Variants in CTNNA2 observed in about 807,000 individuals in gnomAD.
CTNNA2 encodes catenin alpha-2.
Under a neutral mutation model 101.0 loss-of-function variants are expected in CTNNA2, and 42 were observed. That is an observed-to-expected ratio of 0.42 (90% CI 0.32 to 0.54). The LOEUF is 0.54. Among genes scored for constraint, CTNNA2 ranks in the 20% least tolerant of loss-of-function variants. The pLI is 0.14. For missense variants in CTNNA2, 871 were observed against 1,223.1 expected, an observed-to-expected ratio of 0.71 and a Z score of 4.29; for synonymous variants, 450 against 456.4, an observed-to-expected ratio of 0.99 and a Z score of 0.18.
intron 9 of CTNNA2, among the ~76,000 whole-genome samples, chr2:80,462,314 A>C (rs1684493028): frequency 6.6e-6 from 1 of 152,182 alleles, no homozygotes; most frequent in Non-Finnish European, 1.5e-5. Context: ...CTGGCTTCAA[A>C]TTTATTTATT....
intron 4 of CTNNA2, among the ~76,000 whole-genome samples, chr2:79,437,232 C>CG (rs1553411310): frequency 6.4e-5 from 9 of 140,420 alleles, no homozygotes; most frequent in Admixed American, 2.1e-4. Flanking sequence ...GAAACTGTCT[C>CG]AAAAAAAAAA....
At chr2:80,236,171 A>G (rs1175723422) in intron 7 of CTNNA2, among the ~76,000 whole-genome samples, 3 of 152,118 alleles carry the variant, frequency 2.0e-5, no homozygotes, top group Non-Finnish European at 4.4e-5. Context: ...GTAGTATTCC[A>G]TGGTTTATAT....
At chr2:80,394,921 C>T (rs755991036) in intron 8 of CTNNA2, among the ~76,000 whole-genome samples, 21 of 152,188 alleles carry the variant, frequency 1.4e-4, no homozygotes, top group Non-Finnish European at 2.9e-4. Context: ...AGCTAAAATT[C>T]ATGAACTGGG....
At chr2:80,236,066 G>T (rs1194556375) in intron 7 of CTNNA2, among the ~76,000 whole-genome samples, 1 of 152,098 alleles carries the variant, frequency 6.6e-6, no homozygotes, top group Non-Finnish European at 1.5e-5. Flanking sequence ...GCAGTATTTG[G>T]TTTTCTGTTC....
Position 79,435,307 on chromosome 2 carries a change from C to T in CTNNA2, c.-135+61294C>T, listed in dbSNP as rs531679498. The stretch of plus-strand genomic sequence containing the variant: ...TAAGGAAGTGTTGTCATATGGCCTG[C>T]TTAATGTTCAGAGTGCAGAGCGTGC... On this transcript the variant is annotated intron_variant, in intron 4 of 21. Coordinates refer to the CTNNA2 transcript ENST00000466387. Among the ~76,000 whole-genome samples, 8 of 152,246 alleles carry T rather than the reference C, an allele frequency of 5.3e-5. No individual in the cohort carries two copies. The East Asian group carries it at 1.5e-3, about 29-fold the overall frequency.
At position 79,840,812 on chromosome 2, in the gene CTNNA2, C is replaced by T. The variant is rs551454576; in HGVS notation, c.299-17201C>T. ...CAGAGTCTCGCTCTTTCGCCCAGGC[C>T]GGACTGCAGTGGCGTGGCGCGATCT... is the stretch of plus-strand genomic sequence containing the variant. On this transcript the variant is annotated intron_variant, in intron 3 of 18. Coordinates refer to ENST00000402739, the MANE Select transcript of CTNNA2 (RefSeq NM_001282597.3). Among the ~76,000 whole-genome samples the T allele has an allele frequency of 2.2e-3, 335 of 150,544 alleles. 5 individuals carry two copies. The highest frequency in any genetic ancestry group is 3.3e-3 in the Non-Finnish European group (225 of 67,800).
intron 2 of CTNNA2, 66 bp downstream of exon 2, chr2:79,651,724 G>A: frequency 2.2e-6 from 3 of 1,360,654 alleles, no homozygotes; most frequent in Non-Finnish European, 2.1e-6. Flanking sequence ...CCTGACTCTT[G>A]GAAAAACTTA....
At chr2:79,860,845 A>C (rs1681569013) in intron 4 of CTNNA2, among the ~76,000 whole-genome samples, 1 of 152,138 alleles carries the variant, frequency 6.6e-6, no homozygotes, top group African/African-American at 2.4e-5. Flanking sequence ...CAAACATAGC[A>C]CATAGTTCTA....
chr2:79,948,946 C>T (rs532629841), intron 7 of CTNNA2, among the ~76,000 whole-genome samples: 4 of 151,560 alleles, frequency 2.6e-5, no homozygotes, highest in Admixed American at 6.6e-5. Context: ...CCAGCCTGGG[C>T]GACAGAGCCA....
chr2:80,379,925 C>T (rs1490107696), intron 7 of CTNNA2, among the ~76,000 whole-genome samples: 1 of 152,052 alleles, frequency 6.6e-6, no homozygotes, highest in South Asian at 2.1e-4. Context: ...TTTTTAGCCA[C>T]CATTTACCAC....
At chr2:80,393,831 G>A (rs754846983) in intron 8 of CTNNA2, among the ~76,000 whole-genome samples, 1 of 152,144 alleles carries the variant, frequency 6.6e-6, no homozygotes, top group Non-Finnish European at 1.5e-5. Context: ...TTAGTTTGAT[G>A]GGTCTATTTT....
chr2:79,414,416 T>G (rs1160806204), intron 4 of CTNNA2, among the ~76,000 whole-genome samples: 2 of 152,042 alleles, frequency 1.3e-5, no homozygotes, highest in Non-Finnish European at 2.9e-5. Flanking sequence ...TTAAAAACAC[T>G]AGCTCAATGA....
chr2:79,662,670 G>T (rs1682117654), intron 2 of CTNNA2, among the ~76,000 whole-genome samples: 1 of 152,058 alleles, frequency 6.6e-6, no homozygotes, highest in Non-Finnish European at 1.5e-5. Context: ...TGAGATAAAG[G>T]ATTGGGGCAT....
At chr2:79,663,051 G>A (rs1407102308) in intron 2 of CTNNA2, among the ~76,000 whole-genome samples, 5 of 151,886 alleles carry the variant, frequency 3.3e-5, no homozygotes, top group Non-Finnish European at 7.4e-5. Flanking sequence ...TATTATCATC[G>A]ATATGCTGAC....
At chr2:79,605,801 C>T (rs1677852705) in intron 1 of CTNNA2, among the ~76,000 whole-genome samples, 1 of 151,998 alleles carries the variant, frequency 6.6e-6, no homozygotes, top group African/African-American at 2.4e-5. Context: ...CATGCCTGTA[C>T]TCTGAGCTGC....
At chr2:80,556,173 A>G (rs1281543988) in intron 12 of CTNNA2, among the ~76,000 whole-genome samples, 1 of 152,162 alleles carries the variant, frequency 6.6e-6, no homozygotes, top group Non-Finnish European at 1.5e-5. Flanking sequence ...TGCTTACTTA[A>G]TTATCTCCAA....
At chr2:80,623,816 A>T (rs2149812875) in intron 18 of CTNNA2, among the ~76,000 whole-genome samples, 1 of 152,088 alleles carries the variant, frequency 6.6e-6, no homozygotes, top group African/African-American at 2.4e-5. Flanking sequence ...AAGGCAACAG[A>T]ACTGACTCAT....
At chr2:79,499,781 C>T (rs1671300030) in intron 4 of CTNNA2, among the ~76,000 whole-genome samples, 2 of 152,200 alleles carry the variant, frequency 1.3e-5, no homozygotes, top group African/African-American at 4.8e-5. Flanking sequence ...GCCTTGCAGG[C>T]ACCACTTACT....
chr2:79,464,993 T>A (rs9677806), intron 4 of CTNNA2, among the ~76,000 whole-genome samples: 33,311 of 152,066 alleles, frequency 0.22, 3,960 homozygotes, highest in Middle Eastern at 0.32. Context: ...TTTAATTAGA[T>A]CCCATTTGTC....
Sources: allele counts gnomAD v4.1 joint callset (sites outside exome capture counted in the v4.1 genomes callset), GRCh38; gene constraint gnomAD v4.1.1; transcripts MANE v1.5; gene names NCBI Gene and HGNC (gene_info 2026-07-23, HGNC 2026-07-21).